The following IMMP2L variants were observed in gnomAD, a reference collection of about 807,000 sequenced individuals.
The protein encoded by IMMP2L is mitochondrial inner membrane protease subunit 2.
A neutral mutation model predicts 19.3 loss-of-function variants in IMMP2L; 18 were observed. The ratio of observed to expected loss-of-function variants is 0.93; its 90% CI spans 0.64 to 1.38. IMMP2L has a LOEUF of 1.38. Ranked by LOEUF, IMMP2L falls within the 40% of genes most tolerant of loss-of-function variation. The pLI is 0.00. For synonymous variants in IMMP2L, 76 were observed against 73.0 expected, an observed-to-expected ratio of 1.04 and a Z score of -0.21; for missense variants, 233 against 218.2, an observed-to-expected ratio of 1.07 and a Z score of -0.43.
chr7:110,854,549 G>A (rs1806555803), intron 5 of IMMP2L, among the ~76,000 whole-genome samples: 1 of 151,818 alleles, frequency 6.6e-6, no homozygotes, highest in African/African-American at 2.4e-5. Flanking sequence ...AAACATTACT[G>A]AATAACTCCA....
chr7:111,156,562 G>A (rs1329809866), intron 3 of IMMP2L, among the ~76,000 whole-genome samples: 3 of 152,066 alleles, frequency 2.0e-5, no homozygotes, highest in Admixed American at 6.6e-5. Flanking sequence ...TTGCTAAGTC[G>A]ACATTGACAC....
intron 5 of IMMP2L, chr7:110,725,794 A>T (rs1430340434): frequency 6.6e-6 from 1 of 152,204 alleles, no homozygotes; most frequent in Non-Finnish European, 1.5e-5. Context: ...GAGAATTGCA[A>T]AAGGCTTCAC....
intron 3 of IMMP2L, among the ~76,000 whole-genome samples, chr7:111,434,369 G>A (rs1438830715): frequency 6.6e-6 from 1 of 150,920 alleles, no homozygotes; most frequent in Non-Finnish European, 1.5e-5. Flanking sequence ...AGACAAATGA[G>A]GATTAAATAC....
At chr7:111,124,620 T>A (rs902572796) in intron 3 of IMMP2L, 7 of 1,613,996 alleles carry the variant, frequency 4.3e-6, no homozygotes, top group African/African-American at 1.3e-5. Context: ...GTTTGCACCC[T>A]GATCAAAAAG....
intron 3 of IMMP2L, among the ~76,000 whole-genome samples, chr7:111,207,110 C>T (rs1325984491): frequency 1.3e-5 from 2 of 152,266 alleles, no homozygotes; most frequent in Non-Finnish European, 2.9e-5. Flanking sequence ...TCCAGAGTCT[C>T]CATTTTAAAA....
intron 5 of IMMP2L, among the ~76,000 whole-genome samples, chr7:110,669,237 G>A (rs567756627): frequency 4.6e-5 from 7 of 152,162 alleles, no homozygotes; most frequent in South Asian, 2.1e-4. Flanking sequence ...GTTGCAGTTC[G>A]TTGCAGTTCG....
chr7:111,064,016 T>A (rs1184248128), intron 3 of IMMP2L, among the ~76,000 whole-genome samples: 1 of 152,078 alleles, frequency 6.6e-6, no homozygotes, highest in Non-Finnish European at 1.5e-5. Context: ...AGCACCCCAC[T>A]CTACTGGTAC....
chr7:111,009,240 C>T (rs537043422), intron 3 of IMMP2L, among the ~76,000 whole-genome samples: 4 of 152,192 alleles, frequency 2.6e-5, no homozygotes, highest in African/African-American at 9.6e-5. Context: ...TTCACTGTTG[C>T]AAACCATTTC....
chr7:110,755,727 A>G (rs1798000226), intron 5 of IMMP2L, among the ~76,000 whole-genome samples: 2 of 152,116 alleles, frequency 1.3e-5, no homozygotes, highest in African/African-American at 2.4e-5. Flanking sequence ...GTCTTAGAAG[A>G]GAAGCGGAAG....
intron 5 of IMMP2L, among the ~76,000 whole-genome samples, chr7:110,811,647 T>A (rs1482234100): frequency 6.6e-6 from 1 of 152,096 alleles, no homozygotes; most frequent in Admixed American, 6.6e-5. Flanking sequence ...TAAGCTATGG[T>A]AATTTAGAGC....
chr7:110,720,249 T>C (rs1441329721), intron 5 of IMMP2L, among the ~76,000 whole-genome samples: 1 of 152,134 alleles, frequency 6.6e-6, no homozygotes, highest in Non-Finnish European at 1.5e-5. Context: ...TTAAGAGGCT[T>C]ATAACACGTA....
intron 3 of IMMP2L, among the ~76,000 whole-genome samples, chr7:111,190,138 C>T (rs1586752915): frequency 6.6e-6 from 1 of 152,080 alleles, no homozygotes; most frequent in East Asian, 1.9e-4. Flanking sequence ...AAATGTCTCA[C>T]CAATAGCTAA....
At chr7:111,298,478 G>T (rs1317597550) in intron 3 of IMMP2L, among the ~76,000 whole-genome samples, 1 of 152,054 alleles carries the variant, frequency 6.6e-6, no homozygotes, top group Non-Finnish European at 1.5e-5. Flanking sequence ...GGCCAAGCAC[G>T]GTGGCTCTCG....
At chr7:110,858,720 A>G (rs1483871298) in intron 5 of IMMP2L, among the ~76,000 whole-genome samples, 2 of 151,980 alleles carry the variant, frequency 1.3e-5, no homozygotes, top group Non-Finnish European at 2.9e-5. Flanking sequence ...GTCATTTAGC[A>G]TTAGGTATAT....
At chr7:111,368,664 T>C (rs1830006141) in intron 3 of IMMP2L, among the ~76,000 whole-genome samples, 1 of 151,966 alleles carries the variant, frequency 6.6e-6, no homozygotes, top group Non-Finnish European at 1.5e-5. Flanking sequence ...AAACTCCTTT[T>C]TTGCTTTTAA....
At chr7:111,557,186 G>A (rs1452771529) in intron 1 of IMMP2L, among the ~76,000 whole-genome samples, 1 of 151,728 alleles carries the variant, frequency 6.6e-6, no homozygotes, top group Non-Finnish European at 1.5e-5. Flanking sequence ...CTGATGTACT[G>A]TCCTTGAAAG....
At chr7:110,812,547 T>A (rs145500387) in intron 5 of IMMP2L, among the ~76,000 whole-genome samples, 43 of 152,176 alleles carry the variant, frequency 2.8e-4, no homozygotes, top group African/African-American at 9.6e-4. Context: ...AAGGCTTTAT[T>A]TAGCAGGAGG....
intron 3 of IMMP2L, among the ~76,000 whole-genome samples, chr7:111,322,600 T>TA (rs1424209225): frequency 5.3e-5 from 8 of 151,316 alleles, no homozygotes; most frequent in Admixed American, 2.0e-4. Context: ...AACTGAATTT[T>TA]AAAAAAAATT....
rs1199356293 is a variant in IMMP2L, at chr7:111,043,542, T to G, written c.240-79977A>C. Reference sequence around the variant, plus strand: ...CCATCTTAGCTGAATTTGAGAGTTTTCTTTAGGTACAAATTCATTTCCTTC... The same window carrying G: ...CCATCTTAGCTGAATTTGAGAGTTTGCTTTAGGTACAAATTCATTTCCTTC... On this transcript the variant is annotated intron_variant, in intron 3 of 5. Coordinates refer to ENST00000405709, the MANE Select transcript of IMMP2L (RefSeq NM_032549.4). 2.0e-5 allele frequency among the ~76,000 whole-genome samples: 3 copies of G among 152,254 alleles called. 1 individual carries two copies. Among genetic ancestry groups the G allele is most frequent in the Non-Finnish European group, 4.4e-5 (3 of 68,040 alleles).
Sources: allele counts gnomAD v4.1 joint callset (sites outside exome capture counted in the v4.1 genomes callset), GRCh38; gene constraint gnomAD v4.1.1; transcripts MANE v1.5; gene names NCBI Gene and HGNC (gene_info 2026-07-23, HGNC 2026-07-21).